Variants in OSBP2 observed in about 807,000 individuals in gnomAD.
The protein encoded by OSBP2 is oxysterol binding protein 2.
In OSBP2, 66 loss-of-function variants were observed where a neutral mutation model predicts 96.0. The ratio of observed to expected loss-of-function variants is 0.69; its 90% CI spans 0.56 to 0.84. The LOEUF (loss-of-function observed/expected upper bound fraction) is 0.84, where lower values mean the gene tolerates loss of function less well. OSBP2 is among the 40% of genes least tolerant of loss of function. OSBP2 has a pLI of 0.00. For missense variants in OSBP2, 1,038 were observed against 1,222.7 expected (o/e 0.85, Z 2.25); for synonymous variants, 525 against 520.9 (o/e 1.01, Z -0.11).
chr22:30,768,133 A>C (rs931538017), intron 2 of OSBP2, among the ~76,000 whole-genome samples: 11 of 152,122 alleles, frequency 7.2e-5, no homozygotes, highest in African/African-American at 2.7e-4. Flanking sequence ...GTTTGAATGC[A>C]TGTGCAGAGC....
chr22:30,902,663 C>T (rs947023621), intron 12 of OSBP2: 19 of 580,540 alleles, frequency 3.3e-5, no homozygotes, highest in South Asian at 1.0e-4. Flanking sequence ...ACAAAGACCA[C>T]GACTCCAGCT....
At chr22:30,790,042 C>G (rs2090650416) in intron 2 of OSBP2, among the ~76,000 whole-genome samples, 1 of 151,860 alleles carries the variant, frequency 6.6e-6, no homozygotes, top group Non-Finnish European at 1.5e-5. Flanking sequence ...AGAGGGTGAC[C>G]CCATCTCCGT....
chr22:30,709,344 T>C (rs2089307500), intron 1 of OSBP2, among the ~76,000 whole-genome samples: 1 of 152,132 alleles, frequency 6.6e-6, no homozygotes, highest in African/African-American at 2.4e-5. Flanking sequence ...TTTCTTGGTG[T>C]AGGTTAACAT....
intron 1 of OSBP2, among the ~76,000 whole-genome samples, chr22:30,726,287 G>A (rs2089649414): frequency 6.6e-6 from 1 of 152,172 alleles, no homozygotes; most frequent in Admixed American, 6.6e-5. Context: ...TATACACCGT[G>A]GAATACTATG....
At chr22:30,741,616 T>G (rs2089938036) in intron 2 of OSBP2, among the ~76,000 whole-genome samples, 1 of 152,126 alleles carries the variant, frequency 6.6e-6, no homozygotes. Context: ...TGCCTTTCTT[T>G]GGGCTAGTCA....
At chr22:30,864,340 G>A (rs905320542) in intron 2 of OSBP2, among the ~76,000 whole-genome samples, 5 of 152,170 alleles carry the variant, frequency 3.3e-5, no homozygotes, top group Non-Finnish European at 4.4e-5. Flanking sequence ...CCCAAAGGAG[G>A]GAGCCTGAGG....
In OSBP2 at chr22:30,741,289, C is replaced by T. The variant is rs1475567098; in HGVS notation, c.773C>T (p.Ser258Leu). ...GARSYHLKAS[S>L]EVDRQQWITA... ...AGGAGCTACCACCTCAAGGCCAGCT[C>T]AGAGGTGGACCGGCAGCAGTGGATC... The change falls in exon 2 of 14, where the codon TCA becomes TTA. Residue 258 changes from serine to leucine, a missense_variant. Ser to Leu is a moderately radical substitution (Grantham distance 145, BLOSUM62 -2). Transcript: ENST00000332585. 6.2e-7 allele frequency: 1 copy of T among 1,613,872 alleles called. No individual in the cohort carries two copies. The highest frequency in any genetic ancestry group is 8.5e-7 in the Non-Finnish European group (1 of 1,180,040).
chr22:30,859,500 C>T (rs1349128929), intron 2 of OSBP2, among the ~76,000 whole-genome samples: 1 of 152,224 alleles, frequency 6.6e-6, no homozygotes, highest in Non-Finnish European at 1.5e-5. Context: ...CTGGGAGAAG[C>T]TAGGCACCAG....
intron 2 of OSBP2, among the ~76,000 whole-genome samples, chr22:30,751,503 C>T (rs1283522109): frequency 3.3e-5 from 5 of 151,952 alleles, no homozygotes; most frequent in Non-Finnish European, 7.4e-5. Context: ...TATAGGTGTC[C>T]ACCACCACGC....
intron 2 of OSBP2, among the ~76,000 whole-genome samples, chr22:30,816,135 T>A (rs1420845964): frequency 2.0e-5 from 3 of 152,072 alleles, no homozygotes; most frequent in South Asian, 2.1e-4. Flanking sequence ...TAAAAAAAAA[T>A]AAAAAGTTTT....
chr22:30,794,409 C>A (rs1188043926), intron 2 of OSBP2, among the ~76,000 whole-genome samples: 1 of 151,712 alleles, frequency 6.6e-6, no homozygotes, highest in Admixed American at 6.6e-5. Flanking sequence ...AGATGACAGG[C>A]GCCCGACATC....
intron 2 of OSBP2, among the ~76,000 whole-genome samples, chr22:30,846,433 G>C (rs537353582): frequency 2.6e-4 from 40 of 152,258 alleles, no homozygotes; most frequent in Middle Eastern, 3.4e-3. Context: ...TTACAGGTGT[G>C]AGCCACCGCA....
rs1338192861 is a variant in OSBP2, at chr22:30,871,542, G to A, written c.1107+860G>A. Among the ~76,000 whole-genome samples the A allele has an allele frequency of 6.6e-6, 1 of 152,184 alleles. No homozygotes were observed. Among genetic ancestry groups the A allele is most frequent in the Non-Finnish European group, 1.5e-5 (1 of 68,022 alleles). On this transcript the variant is annotated intron_variant, in intron 3 of 13. Transcript: ENST00000332585. The surrounding 1 kb of genome is among the most constrained non-coding windows in gnomAD (Gnocchi z 4.7). ...TGGGAGTAAGGAGACCAGAGCAGAG[G>A]AGCTGTACAGAAATGGAGGCCGCAG...
In OSBP2 at chr22:30,822,411, G is replaced by T. The variant is rs893576859; in HGVS notation, c.854-48018G>T. The T allele has an allele frequency of 2.8e-5, 25 of 888,810 alleles. 1 individual carries two copies. The highest frequency in any genetic ancestry group is 3.7e-5 in the Non-Finnish European group (25 of 667,432). 55.1% of individuals were successfully genotyped at this position (888,810 alleles called of 1,614,324 possible). A position where few individuals can be genotyped will look rare whatever the true frequency, so the allele number is the denominator to read the frequency against. On this transcript the variant is annotated intron_variant, in intron 2 of 13. Coordinates refer to ENST00000332585, the MANE Select transcript of OSBP2 (RefSeq NM_030758.4). ...GGAGGAAGTGGTAGGCAGCACCGCC[G>T]CTCAGGCTGGGCTCGGCTCCCGCGG...
chr22:30,867,118 G>A (rs2039356148), intron 2 of OSBP2, among the ~76,000 whole-genome samples: 1 of 152,114 alleles, frequency 6.6e-6, no homozygotes, highest in Non-Finnish European at 1.5e-5. Flanking sequence ...GAGCTGGGTG[G>A]GAGCCACCAT....
chr22:30,697,147 C>T (rs1034232222), intron 1 of OSBP2, among the ~76,000 whole-genome samples: 1 of 152,194 alleles, frequency 6.6e-6, no homozygotes, highest in Non-Finnish European at 1.5e-5. Flanking sequence ...TTACCAGGTA[C>T]TACTAAACTG....
chr22:30,853,636 T>C (rs1255851434), intron 2 of OSBP2, among the ~76,000 whole-genome samples: 1 of 152,216 alleles, frequency 6.6e-6, no homozygotes, highest in African/African-American at 2.4e-5. Context: ...ACGATTTTAA[T>C]ATAACGTAAT....
rs540449085 is a variant in OSBP2 at position 30,887,264 on chromosome 22, G to C, written c.1108-162G>C. Among the ~76,000 whole-genome samples, 31 of 152,246 alleles carry C rather than the reference G, an allele frequency of 2.0e-4. 1 individual carries two copies. The South Asian group carries it at 5.8e-3, about 29-fold the overall frequency. ...TGACCTGTATTTTGTATCTCATCCTGTGACTTAGAATGCCTTAGCTGTCTG... is the reference window on the plus strand; with the variant it reads ...TGACCTGTATTTTGTATCTCATCCTCTGACTTAGAATGCCTTAGCTGTCTG... On this transcript the variant is annotated intron_variant, in intron 3 of 13. Transcript: ENST00000332585.
intron 2 of OSBP2, among the ~76,000 whole-genome samples, chr22:30,746,950 A>G (rs1402062997): frequency 2.0e-5 from 3 of 152,250 alleles, no homozygotes; most frequent in African/African-American, 2.4e-5. Flanking sequence ...CCATTAGAGT[A>G]TTTAAAGGAC....
Sources: gnomAD v4.1 joint callset for allele counts (sites outside exome capture counted in the v4.1 genomes callset) on GRCh38, gnomAD v4.1.1 for gene constraint, Gnocchi (gnomAD v3.1) non-coding constraint, MANE v1.5 for transcripts, NCBI Gene and HGNC (gene_info 2026-07-23, HGNC 2026-07-21) for gene names.